The following GALNT17 variants were observed in gnomAD, a reference collection of about 807,000 sequenced individuals.
GALNT17 encodes UDP-GalNAc:polypeptide N-acetylgalactosaminyltransferase-like 3.
GALNT17 carries 29 observed loss-of-function variants against 63.7 expected under a neutral mutation model. The ratio of observed to expected loss-of-function variants is 0.46; its 90% CI spans 0.34 to 0.62. The LOEUF (loss-of-function observed/expected upper bound fraction) is 0.62, where lower values mean the gene tolerates loss of function less well. GALNT17 is among the 20% of genes least tolerant of loss of function. The pLI, the probability that GALNT17 is intolerant of heterozygous loss-of-function variation, is 0.01. For missense variants in GALNT17, 603 were observed against 799.6 expected (o/e 0.75, Z 2.97); for synonymous variants, 305 against 318.3 (o/e 0.96, Z 0.45).
chr7:71,451,887 G>T (rs112241811), intron 5 of GALNT17, among the ~76,000 whole-genome samples: 2,884 of 151,300 alleles, frequency 0.019, 41 homozygotes, highest in African/African-American at 0.03. Context: ...CCGAATTGTG[G>T]TTTTTTTTGT....
At chr7:71,568,106 A>G (rs1353913135) in intron 5 of GALNT17, among the ~76,000 whole-genome samples, 2 of 152,222 alleles carry the variant, frequency 1.3e-5, no homozygotes, top group Non-Finnish European at 2.9e-5. Flanking sequence ...TCTTTTGCCC[A>G]GGGAAGCACC....
At chr7:71,386,251 A>G (rs1792941703) in intron 2 of GALNT17, among the ~76,000 whole-genome samples, 1 of 152,192 alleles carries the variant, frequency 6.6e-6, no homozygotes, top group Non-Finnish European at 1.5e-5. Context: ...AATTGCCTAC[A>G]TGATTAATAT....
intron 6 of GALNT17, among the ~76,000 whole-genome samples, chr7:71,659,115 T>A (rs1790869635): frequency 6.6e-6 from 1 of 152,202 alleles, no homozygotes; most frequent in Non-Finnish European, 1.5e-5. Context: ...TAACATGACC[T>A]CCAGGTAATT....
At chr7:71,167,252 A>G (rs1788459132) in intron 1 of GALNT17, among the ~76,000 whole-genome samples, 1 of 152,080 alleles carries the variant, frequency 6.6e-6, no homozygotes, top group African/African-American at 2.4e-5. Flanking sequence ...GGCAAGTTCC[A>G]GTTCCTCCGA....
Position 71,198,742 on chromosome 7 carries a change from C to T in GALNT17, c.238+65702C>T, listed in dbSNP as rs116834966. ...GAACATTCAGAATCAAAGCAATTTT[C>T]ACTTCATTTCATCCAGAAGGTCTCT... On this transcript the variant is annotated intron_variant, in intron 1 of 10. Transcript: ENST00000333538. 9.6e-3 allele frequency among the ~76,000 whole-genome samples: 1,459 copies of T among 152,342 alleles called. 26 individuals carry two copies. Among genetic ancestry groups the T allele is most frequent in the African/African-American group, 0.033 (1,364 of 41,576 alleles).
chr7:71,575,219 C>T (rs1789516055), intron 6 of GALNT17, among the ~76,000 whole-genome samples: 1 of 152,148 alleles, frequency 6.6e-6, no homozygotes, highest in South Asian at 2.1e-4. Context: ...TCCATCCCCA[C>T]CGCCTGAATA....
intron 1 of GALNT17, among the ~76,000 whole-genome samples, chr7:71,199,727 A>G (rs1207457023): frequency 7.1e-6 from 1 of 140,758 alleles, no homozygotes; most frequent in African/African-American, 2.6e-5. Context: ...GTGTCCACCC[A>G]CCCACCCATG....
At position 71,388,457 on chromosome 7, in the gene GALNT17, C is replaced by T. The variant is rs1433796702; in HGVS notation, c.589+56C>T. On this transcript the variant is annotated intron_variant, in intron 3 of 10. Transcript: ENST00000333538. The stretch of plus-strand genomic sequence containing the variant: ...ATGATGACAGCAGGGGGAAATGCCA[C>T]TTTCATTCCAACGCGAGCCCGAGCA... 1.9e-6 allele frequency: 3 copies of T among 1,570,116 alleles called. No homozygotes were observed. In the Admixed American group the frequency reaches 5.2e-5, roughly 27 times the overall value.
chr7:71,621,332 A>G (rs1179779749), intron 6 of GALNT17, among the ~76,000 whole-genome samples: 1 of 152,168 alleles, frequency 6.6e-6, no homozygotes, highest in Admixed American at 6.5e-5. Context: ...TTGGATCACA[A>G]GCTCTCTAAG....
intron 6 of GALNT17, among the ~76,000 whole-genome samples, chr7:71,581,112 G>C (rs889048538): frequency 2.0e-5 from 3 of 152,142 alleles, no homozygotes; most frequent in African/African-American, 4.8e-5. Context: ...TTAGCTGGTG[G>C]CAGGAGAGAG....
intron 5 of GALNT17, among the ~76,000 whole-genome samples, chr7:71,445,151 G>A (rs375830732): frequency 1.3e-5 from 2 of 151,500 alleles, no homozygotes; most frequent in African/African-American, 4.8e-5. Context: ...ACCTCCCAGG[G>A]TGGAGCCACC....
chr7:71,147,254 T>G (rs1788040862), intron 1 of GALNT17, among the ~76,000 whole-genome samples: 1 of 152,156 alleles, frequency 6.6e-6, no homozygotes, highest in Non-Finnish European at 1.5e-5. Context: ...GGTCCCACAG[T>G]AGGCTTTTCT....
chr7:71,465,855 A>C (rs1032990008), intron 5 of GALNT17, among the ~76,000 whole-genome samples: 1 of 152,204 alleles, frequency 6.6e-6, no homozygotes, highest in Non-Finnish European at 1.5e-5. Context: ...AGGACAGTTT[A>C]TGGTGGCGGG....
At chr7:71,537,017 A>G (rs1788813176) in intron 5 of GALNT17, among the ~76,000 whole-genome samples, 1 of 152,120 alleles carries the variant, frequency 6.6e-6, no homozygotes, top group Non-Finnish European at 1.5e-5. Flanking sequence ...CTGTGAACCC[A>G]TCATCCTTCT....
chr7:71,372,690 A>G (rs1442913268), intron 2 of GALNT17, among the ~76,000 whole-genome samples: 1 of 152,228 alleles, frequency 6.6e-6, no homozygotes, highest in Admixed American at 6.5e-5. Flanking sequence ...TCTGGTCTCA[A>G]GTGATCCTCT....
chr7:71,361,786 C>CAGAGAG (rs150967255), intron 2 of GALNT17, among the ~76,000 whole-genome samples: 8 of 149,028 alleles, frequency 5.4e-5, no homozygotes, highest in South Asian at 2.1e-4. Context: ...CAAATGAACT[C>CAGAGAG]AGAGAGAGAG....
chr7:71,616,267 A>T (rs913725136), intron 6 of GALNT17, among the ~76,000 whole-genome samples: 4 of 151,918 alleles, frequency 2.6e-5, no homozygotes, highest in Non-Finnish European at 5.9e-5. Context: ...ACTTGAAGAC[A>T]AGTAAATTCC....
chr7:71,685,920 T>G (rs1791348622), intron 9 of GALNT17, among the ~76,000 whole-genome samples: 1 of 150,326 alleles, frequency 6.7e-6, no homozygotes, highest in Non-Finnish European at 1.5e-5. Context: ...TTGGGTTTTT[T>G]TTTTTTTTTC....
chr7:71,647,093 C>A (rs966262534), intron 6 of GALNT17, among the ~76,000 whole-genome samples: 17 of 151,646 alleles, frequency 1.1e-4, no homozygotes, highest in African/African-American at 4.1e-4. Context: ...GAGACAGAGT[C>A]TCGCTCTGTT....
Sources: gnomAD v4.1 joint callset for allele counts (sites outside exome capture counted in the v4.1 genomes callset) on GRCh38, gnomAD v4.1.1 for gene constraint, MANE v1.5 for transcripts, NCBI Gene and HGNC (gene_info 2026-07-23, HGNC 2026-07-21) for gene names.